The following TAF2 variants were observed in gnomAD, a reference collection of about 807,000 sequenced individuals.
TAF2 encodes the protein transcription initiation factor TFIID subunit 2.
Under a neutral mutation model 138.5 loss-of-function variants are expected in TAF2, and 61 were observed. The ratio of observed to expected loss-of-function variants is 0.44; its 90% confidence interval spans 0.36 to 0.54. The LOEUF is 0.54. Among genes scored for constraint, TAF2 ranks in the 20% least tolerant of loss-of-function variants. The probability of loss-of-function intolerance (pLI) is 0.00; values close to 1 mark genes in which losing one functional copy is unlikely to be tolerated. For synonymous variants in TAF2, 475 were observed against 469.9 expected, an observed-to-expected ratio of 1.01 and a Z score of -0.14; for missense variants, 1,090 against 1,427.9, an observed-to-expected ratio of 0.76 and a Z score of 3.81.
At chr8:119,791,736 A>G in intron 10 of TAF2, 1 of 349,278 alleles carries the variant, frequency 2.9e-6, no homozygotes, top group Non-Finnish European at 5.4e-6. Context: ...CCCCAAATCC[A>G]TCAATACAAT....
intron 7 of TAF2, 137 bp downstream of exon 7, chr8:119,797,525 A>T (rs1228756963): frequency 1.9e-5 from 17 of 893,620 alleles, no homozygotes; most frequent in Non-Finnish European, 2.3e-5. Flanking sequence ...TTTTAAAACC[A>T]AATTTTGTAC....
chr8:119,761,785 A>G (rs1821079287), intron 19 of TAF2: 1 of 151,462 alleles, frequency 6.6e-6, no homozygotes, highest in Non-Finnish European at 1.5e-5. Flanking sequence ...GGGGAACAAG[A>G]GCGAAACTTG....
chr8:119,806,449 C>T (rs1257021973), intron 3 of TAF2, 48 bp from the exon 4 acceptor site: 2 of 1,306,446 alleles, frequency 1.5e-6, no homozygotes, highest in Admixed American at 1.9e-5. Context: ...ATGTATCTTA[C>T]CAAGCATTTT....
At chr8:119,793,812 T>C (rs530618053) in intron 9 of TAF2, among the ~76,000 whole-genome samples, 1 of 151,196 alleles carries the variant, frequency 6.6e-6, no homozygotes, top group Admixed American at 6.6e-5. Flanking sequence ...GAATAAATTA[T>C]GTCAGGAATC....
intron 25 of TAF2, among the ~76,000 whole-genome samples, chr8:119,735,543 G>C (rs1323588222): frequency 6.6e-6 from 1 of 152,098 alleles, no homozygotes; most frequent in Non-Finnish European, 1.5e-5. Flanking sequence ...AAGTTTCTGT[G>C]CTCACTTATT....
At chr8:119,766,673 G>A (rs1038966529) in intron 18 of TAF2, among the ~76,000 whole-genome samples, 4 of 151,604 alleles carry the variant, frequency 2.6e-5, no homozygotes, top group African/African-American at 9.7e-5. Context: ...TTAGCTGAGT[G>A]TGGTACAAAA....
chr8:119,775,055 C>T (rs578177821), intron 18 of TAF2, among the ~76,000 whole-genome samples: 1 of 151,636 alleles, frequency 6.6e-6, no homozygotes, highest in African/African-American at 2.4e-5. Context: ...CCAAGGAGGG[C>T]GGATCACAAG....
At chr8:119,791,569 A>C in intron 10 of TAF2, 110 bp from the exon 11 acceptor site, 2 of 1,282,242 alleles carry the variant, frequency 1.6e-6, no homozygotes, top group Non-Finnish European at 2.2e-6. Context: ...GAGAATATAT[A>C]AGCAATTTCC....
intron 17 of TAF2, 113 bp downstream of exon 17, chr8:119,780,934 CAAAAAA>C (rs374156089): frequency 4.0e-5 from 29 of 721,112 alleles, no homozygotes; most frequent in Non-Finnish European, 4.7e-5. Flanking sequence ...GACTCTGTCT[CAAAAAA>C]AAAAAAAAAA....
intron 20 of TAF2, among the ~76,000 whole-genome samples, chr8:119,759,313 C>T (rs1286652072): frequency 6.6e-6 from 1 of 151,928 alleles, no homozygotes; most frequent in Non-Finnish European, 1.5e-5. Context: ...CTGTTATTAC[C>T]CTTTATTTTC....
At chr8:119,782,112 A>G (rs1822706089) in intron 16 of TAF2, among the ~76,000 whole-genome samples, 3 of 152,230 alleles carry the variant, frequency 2.0e-5, no homozygotes, top group Non-Finnish European at 2.9e-5. Context: ...TTATTCGTTT[A>G]GACAGATATA....
intron 9 of TAF2, among the ~76,000 whole-genome samples, chr8:119,794,849 G>T (rs1439115036): frequency 1.3e-5 from 2 of 152,130 alleles, no homozygotes; most frequent in Non-Finnish European, 2.9e-5. Flanking sequence ...ACTCTTGGAT[G>T]ATAATAATAT....
chr8:119,758,694 C>T (rs954982772), intron 20 of TAF2, among the ~76,000 whole-genome samples: 1 of 152,116 alleles, frequency 6.6e-6, no homozygotes, highest in Middle Eastern at 3.2e-3. Flanking sequence ...TTCCATTCAC[C>T]TTTTCAAACA....
intron 15 of TAF2, among the ~76,000 whole-genome samples, chr8:119,784,720 T>A (rs989489272): frequency 2.0e-5 from 3 of 152,186 alleles, no homozygotes; most frequent in African/African-American, 7.2e-5. Context: ...CAGTGGTTTT[T>A]AAATTGTTTT....
intron 3 of TAF2, among the ~76,000 whole-genome samples, chr8:119,818,321 T>G (rs1310765001): frequency 6.6e-6 from 1 of 152,214 alleles, no homozygotes; most frequent in Non-Finnish European, 1.5e-5. Context: ...GGAATCACAC[T>G]TTAAGAACTG....
intron 18 of TAF2, among the ~76,000 whole-genome samples, chr8:119,773,194 A>C (rs1821974441): frequency 6.6e-6 from 1 of 151,154 alleles, no homozygotes; most frequent in Non-Finnish European, 1.5e-5. Context: ...ATTAAACAGC[A>C]CAATTACCTA....
chr8:119,742,089 G>A (rs1563815685), intron 25 of TAF2, among the ~76,000 whole-genome samples: 1 of 152,156 alleles, frequency 6.6e-6, no homozygotes, highest in Non-Finnish European at 1.5e-5. Context: ...TTATATACAC[G>A]AGTGGGGGAT....
intron 22 of TAF2, among the ~76,000 whole-genome samples, chr8:119,750,335 C>T (rs185777845): frequency 7.5e-4 from 114 of 152,094 alleles, no homozygotes; most frequent in African/African-American, 2.7e-3. Context: ...AGTGAGACTC[C>T]GTCTCAAAAA....
intron 2 of TAF2, among the ~76,000 whole-genome samples, chr8:119,820,314 A>G (rs1437411232): frequency 6.6e-6 from 1 of 152,236 alleles, no homozygotes; most frequent in Non-Finnish European, 1.5e-5. Context: ...TCAGGACTCC[A>G]ACGTGAAGAG....
Sources: gnomAD v4.1 joint callset for allele counts (sites outside exome capture counted in the v4.1 genomes callset) on GRCh38, gnomAD v4.1.1 for gene constraint, MANE v1.5 for transcripts, NCBI Gene and HGNC (gene_info 2026-07-23, HGNC 2026-07-21) for gene names.